Variants in NEBL observed in about 807,000 individuals in gnomAD.
NEBL encodes LIM and SH3 protein 2.
NEBL carries 122 observed loss-of-function variants against 140.2 expected under a neutral mutation model. The observed-to-expected ratio is 0.87, with a 90% confidence interval of 0.75 to 1.01. The LOEUF is 1.01. NEBL is among the 50% of genes least tolerant of loss of function. NEBL has a pLI of 0.00. For missense variants in NEBL, 1,365 were observed against 1,231.3 expected, an observed-to-expected ratio of 1.11 and a Z score of -1.62; for synonymous variants, 436 against 398.9, an observed-to-expected ratio of 1.09 and a Z score of -1.11.
intron 2 of NEBL, among the ~76,000 whole-genome samples, chr10:21,168,245 G>C (rs1262739099): frequency 6.6e-6 from 1 of 152,154 alleles, no homozygotes; most frequent in Non-Finnish European, 1.5e-5. Context: ...CGATTAAAAT[G>C]AGAAATCTTT....
intron 3 of NEBL, among the ~76,000 whole-genome samples, chr10:20,980,055 A>C (rs1442443490): frequency 6.6e-6 from 1 of 150,484 alleles, no homozygotes; most frequent in Non-Finnish European, 1.5e-5. Context: ...TTTCCACAAA[A>C]AAAAAAAAAC....
chr10:21,060,492 C>A (rs1410000731), intron 2 of NEBL, among the ~76,000 whole-genome samples: 1 of 152,102 alleles, frequency 6.6e-6, no homozygotes, highest in Non-Finnish European at 1.5e-5. Context: ...ATATCGTACA[C>A]CCTCTTGCCT....
At chr10:20,828,436 G>T in intron 17 of NEBL, 94 bp downstream of exon 17, 3 of 787,752 alleles carry the variant, frequency 3.8e-6, no homozygotes, top group Non-Finnish European at 6.7e-6. Context: ...ATTCAACTAA[G>T]ACAGCAGAAA....
chr10:21,239,824 A>G (rs7096094), intron 3 of NEBL, among the ~76,000 whole-genome samples: 42,030 of 151,914 alleles, frequency 0.28, 6,666 homozygotes, highest in African/African-American at 0.43. Flanking sequence ...AGACCATCCT[A>G]GCTAACATGG....
intron 2 of NEBL, among the ~76,000 whole-genome samples, chr10:21,133,777 CATG>C (rs1381256194): frequency 1.3e-5 from 2 of 152,036 alleles, no homozygotes; most frequent in Non-Finnish European, 2.9e-5. Flanking sequence ...ATGTGGCTGT[CATG>C]ATGACATCTC....
intron 2 of NEBL, among the ~76,000 whole-genome samples, chr10:21,153,151 C>A (rs986578192): frequency 1.3e-5 from 2 of 152,154 alleles, no homozygotes; most frequent in Non-Finnish European, 2.9e-5. Context: ...AACCTCTCAA[C>A]AACTCTTGGC....
At position 21,265,848 on chromosome 10, in the gene NEBL, A is replaced by G. The variant is rs543188158; in HGVS notation, n.183-14020T>C. On this transcript the variant is annotated intron_variant and non_coding_transcript_variant, in intron 1 of 8. Coordinates refer to the NEBL transcript ENST00000675702. ...AACAAATGATCATGGCTGTGTTCCA[A>G]TAACACTTTTTTACAAAATGGGTGG... Among the ~76,000 whole-genome samples the G allele has an allele frequency of 5.3e-5, 8 of 152,368 alleles. No individual in the cohort carries two copies. The South Asian group carries it at 1.4e-3, about 28-fold the overall frequency.
intron 19 of NEBL, among the ~76,000 whole-genome samples, chr10:20,819,852 A>G (rs71535731): frequency 0.014 from 2,127 of 152,110 alleles, 47 homozygotes; most frequent in East Asian, 0.091. Context: ...GGCCTCCCAA[A>G]GTGCTGGGAT....
At chr10:20,873,459 A>G (rs1319532961) in intron 5 of NEBL, among the ~76,000 whole-genome samples, 1 of 152,130 alleles carries the variant, frequency 6.6e-6, no homozygotes, top group Non-Finnish European at 1.5e-5. Flanking sequence ...AGCAGAGAAC[A>G]AACAAGGAGG....
At chr10:21,019,915 A>T (rs565938843) in intron 3 of NEBL, among the ~76,000 whole-genome samples, 12 of 152,300 alleles carry the variant, frequency 7.9e-5, no homozygotes, top group African/African-American at 2.6e-4. Flanking sequence ...GAATAACAAA[A>T]CTGAGAATAT....
chr10:20,936,492 T>C (rs971773838), intron 4 of NEBL, among the ~76,000 whole-genome samples: 4 of 152,232 alleles, frequency 2.6e-5, no homozygotes, highest in African/African-American at 9.6e-5. Flanking sequence ...CTCTGGCCCA[T>C]GTCTTTTCTG....
chr10:20,908,929 T>C (rs781353554), intron 4 of NEBL, among the ~76,000 whole-genome samples: 1 of 152,228 alleles, frequency 6.6e-6, no homozygotes, highest in Non-Finnish European at 1.5e-5. Context: ...GATTTCAAAC[T>C]TATTTGTGCT....
intron 3 of NEBL, among the ~76,000 whole-genome samples, chr10:21,194,086 C>T (rs530689861): frequency 5.3e-5 from 8 of 152,108 alleles, no homozygotes; most frequent in Admixed American, 1.3e-4. Context: ...GTGATCCTCC[C>T]TCCTCAGACT....
At chr10:21,130,017 C>A (rs548211416) in intron 2 of NEBL, among the ~76,000 whole-genome samples, 1 of 151,844 alleles carries the variant, frequency 6.6e-6, no homozygotes, top group Non-Finnish European at 1.5e-5. Flanking sequence ...ATTTTAAACA[C>A]AAAGTCATAT....
chr10:20,897,737 TTA>T (rs1847630982), upstream of NEBL: 4 of 180,596 alleles, frequency 2.2e-5, no homozygotes, highest in Admixed American at 1.3e-4. Context: ...TCAACCTAAA[TTA>T]TATGTTTTAT....
intron 26 of NEBL, among the ~76,000 whole-genome samples, chr10:20,797,927 C>T (rs1226608529): frequency 2.0e-5 from 3 of 151,844 alleles, no homozygotes; most frequent in Non-Finnish European, 2.9e-5. Context: ...AGAGCAAGAA[C>T]CATCTCCGCA....
chr10:21,257,611 C>G (rs2132277626), intron 1 of NEBL, among the ~76,000 whole-genome samples: 1 of 152,294 alleles, frequency 6.6e-6, no homozygotes, highest in East Asian at 1.9e-4. Context: ...AAACGCCGTG[C>G]ATGGTGGCTC....
intron 4 of NEBL, among the ~76,000 whole-genome samples, chr10:20,957,472 G>A (rs1230924993): frequency 1.3e-5 from 2 of 152,138 alleles, no homozygotes; most frequent in Non-Finnish European, 2.9e-5. Flanking sequence ...AGCAAAAAAG[G>A]ATATTTGGGA....
chr10:21,092,841 T>G (rs1270588518), intron 2 of NEBL, among the ~76,000 whole-genome samples: 1 of 152,068 alleles, frequency 6.6e-6, no homozygotes, highest in Non-Finnish European at 1.5e-5. Context: ...CTTTGCCTTT[T>G]CACCAGCTTA....
Sources: gnomAD v4.1 joint callset for allele counts (sites outside exome capture counted in the v4.1 genomes callset) on GRCh38, gnomAD v4.1.1 for gene constraint, MANE v1.5 for transcripts, NCBI Gene and HGNC (gene_info 2026-07-23, HGNC 2026-07-21) for gene names.